Variants in DNM3 observed in about 807,000 individuals in gnomAD.
DNM3 encodes the protein dynamin-3.
DNM3 carries 47 observed loss-of-function variants against 101.6 expected under a neutral mutation model. The ratio of observed to expected loss-of-function variants is 0.46; its 90% CI spans 0.37 to 0.59. The LOEUF (loss-of-function observed/expected upper bound fraction) is 0.59. Ranked by LOEUF, DNM3 falls within the 20% of genes least tolerant of loss-of-function variation. DNM3 has a pLI of 0.00. For missense variants in DNM3, 849 were observed against 1,085.7 expected (o/e 0.78, Z 3.06); for synonymous variants, 385 against 387.9 (o/e 0.99, Z 0.09).
intron 10 of DNM3, among the ~76,000 whole-genome samples, chr1:172,063,970 T>C (rs1220898988): frequency 1.3e-5 from 2 of 152,104 alleles, no homozygotes; most frequent in African/African-American, 2.4e-5. Context: ...TTTTAAAAAA[T>C]ATTTCTCTTG....
intron 14 of DNM3, among the ~76,000 whole-genome samples, chr1:172,193,736 T>C (rs945326563): frequency 3.3e-5 from 5 of 152,172 alleles, no homozygotes; most frequent in Non-Finnish European, 7.4e-5. Context: ...TTGCATCTAT[T>C]TGATTCTTCT....
chr1:172,015,270 A>G (rs1437084059), intron 4 of DNM3, among the ~76,000 whole-genome samples: 1 of 152,170 alleles, frequency 6.6e-6, no homozygotes, highest in Non-Finnish European at 1.5e-5. Flanking sequence ...TTCTCCATAC[A>G]AAACTTAGAA....
chr1:171,884,325 A>T (rs2036576596), intron 1 of DNM3, among the ~76,000 whole-genome samples: 1 of 152,188 alleles, frequency 6.6e-6, no homozygotes, highest in Non-Finnish European at 1.5e-5. Context: ...CTCCTCTATG[A>T]ACTTTTTCCT....
intron 2 of DNM3, among the ~76,000 whole-genome samples, chr1:171,951,404 G>C (rs1424163543): frequency 1.3e-5 from 2 of 152,222 alleles, no homozygotes; most frequent in African/African-American, 2.4e-5. Context: ...TTTACATGCG[G>C]TGTTTTGCAT....
At chr1:171,897,068 T>C (rs191840448) in intron 1 of DNM3, among the ~76,000 whole-genome samples, 13,512 of 151,798 alleles carry the variant, frequency 0.089, 778 homozygotes, top group South Asian at 0.24. Flanking sequence ...ATTCAACACA[T>C]ATATATATAT....
chr1:171,914,264 T>G (rs1277926759), intron 1 of DNM3, among the ~76,000 whole-genome samples: 1 of 151,534 alleles, frequency 6.6e-6, no homozygotes, highest in Non-Finnish European at 1.5e-5. Flanking sequence ...TTCAAGGGAT[T>G]CTCCTATCTC....
chr1:172,333,415 A>G (rs1408399722), intron 17 of DNM3, among the ~76,000 whole-genome samples: 2 of 152,182 alleles, frequency 1.3e-5, no homozygotes, highest in African/African-American at 2.4e-5. Context: ...GAAGCCGTAC[A>G]CCTGCATATT....
At chr1:172,414,162 G>C (rs2149142690), downstream of DNM3, among the ~76,000 whole-genome samples, 1 of 152,180 alleles carries the variant, frequency 6.6e-6, no homozygotes, top group South Asian at 2.1e-4. Flanking sequence ...TTTAGTATTT[G>C]GTTTAGAGTG....
chr1:172,226,648 G>A (rs886415118), intron 14 of DNM3, among the ~76,000 whole-genome samples: 2 of 152,078 alleles, frequency 1.3e-5, no homozygotes, highest in Non-Finnish European at 2.9e-5. Context: ...ATTATTGGAA[G>A]AATTAAATGA....
chr1:171,980,695 G>C (rs1286079825), intron 2 of DNM3, among the ~76,000 whole-genome samples: 4 of 151,226 alleles, frequency 2.6e-5, no homozygotes, highest in African/African-American at 9.7e-5. Context: ...ATGTGAGTAA[G>C]AACATGGAGT....
intron 2 of DNM3, among the ~76,000 whole-genome samples, chr1:171,977,046 C>T (rs1351093286): frequency 6.6e-6 from 1 of 152,134 alleles, no homozygotes; most frequent in African/African-American, 2.4e-5. Context: ...GGCAGATCAT[C>T]TTATTTTTCA....
chr1:171,958,652 T>C (rs977848335), intron 2 of DNM3, among the ~76,000 whole-genome samples: 1 of 152,112 alleles, frequency 6.6e-6, no homozygotes, highest in African/African-American at 2.4e-5. Context: ...ATGGGCAGGA[T>C]AGATGGAACA....
chr1:172,083,312 G>A (rs564423996), intron 12 of DNM3, among the ~76,000 whole-genome samples: 9 of 152,108 alleles, frequency 5.9e-5, no homozygotes, highest in Non-Finnish European at 1.2e-4. Flanking sequence ...AAAACTTTTT[G>A]CCTTTTAGGA....
chr1:172,005,432 T>C (rs552210850), intron 4 of DNM3, among the ~76,000 whole-genome samples: 2 of 152,206 alleles, frequency 1.3e-5, no homozygotes, highest in East Asian at 1.9e-4. Flanking sequence ...AGGAAGCATA[T>C]AGCTGTTAAA....
intron 20 of DNM3, chr1:172,393,119 A>G (rs960280418): frequency 2.0e-5 from 3 of 152,188 alleles, no homozygotes; most frequent in African/African-American, 2.4e-5. Context: ...ATTTTCAGTA[A>G]TTTATTACAA....
intron 2 of DNM3, among the ~76,000 whole-genome samples, chr1:171,957,964 A>T (rs1240191552): frequency 6.6e-6 from 1 of 152,174 alleles, no homozygotes; most frequent in African/African-American, 2.4e-5. Flanking sequence ...GCCGCAGTCC[A>T]CCGGTACCAA....
At chr1:172,147,422 T>A (rs577122258) in intron 14 of DNM3, among the ~76,000 whole-genome samples, 308 of 152,290 alleles carry the variant, frequency 2.0e-3, no homozygotes, top group African/African-American at 7.1e-3. Flanking sequence ...ACTAAAGTTA[T>A]TTAATTTGCT....
At chr1:172,089,443 G>A (rs1297084062) in intron 12 of DNM3, among the ~76,000 whole-genome samples, 1 of 152,126 alleles carries the variant, frequency 6.6e-6, no homozygotes, top group Admixed American at 6.6e-5. Context: ...GTCCTTACAG[G>A]TTTTTTAAGG....
At chr1:172,166,618 C>G (rs540574332) in intron 14 of DNM3, among the ~76,000 whole-genome samples, 2 of 151,974 alleles carry the variant, frequency 1.3e-5, no homozygotes, top group South Asian at 4.2e-4. Context: ...AAGTATCTAG[C>G]GCAAGCAAGG....
Sources: gnomAD v4.1 joint callset for allele counts (sites outside exome capture counted in the v4.1 genomes callset) on GRCh38, gnomAD v4.1.1 for gene constraint, MANE v1.5 for transcripts, NCBI Gene and HGNC (gene_info 2026-07-23, HGNC 2026-07-21) for gene names.